The following HTRA1 variants were observed in gnomAD, a reference collection of about 807,000 sequenced individuals.
HTRA1 encodes serine protease HTRA1.
In HTRA1, 26 loss-of-function variants were observed where a neutral mutation model predicts 49.7. The ratio of observed to expected loss-of-function variants is 0.52; its 90% confidence interval spans 0.38 to 0.73. The LOEUF (loss-of-function observed/expected upper bound fraction) is 0.73. Ranked by LOEUF, HTRA1 falls within the 30% of genes least tolerant of loss-of-function variation. The probability of loss-of-function intolerance (pLI) is 0.00; values close to 1 mark genes in which losing one functional copy is unlikely to be tolerated. For synonymous variants in HTRA1, 291 were observed against 286.9 expected, an observed-to-expected ratio of 1.01 and a Z score of -0.14; for missense variants, 561 against 667.2, an observed-to-expected ratio of 0.84 and a Z score of 1.75.
chr10:122,468,229 G>A (rs1466085370), intron 1 of HTRA1, among the ~76,000 whole-genome samples: 1 of 152,106 alleles, frequency 6.6e-6, no homozygotes, highest in African/African-American at 2.4e-5. Context: ...GGTGTTTCTT[G>A]GGTGACTTCA....
At position 122,481,576 on chromosome 10, in the gene HTRA1, A is replaced by G. The variant is rs141505054; in HGVS notation, c.473-7326A>G. ...CTATCCACCTCTGCTCCTTGTGCCTATGCAGGGATTCAGGCCCAACCACTG... is the reference window on the plus strand; with the variant it reads ...CTATCCACCTCTGCTCCTTGTGCCTGTGCAGGGATTCAGGCCCAACCACTG... On this transcript the variant is annotated intron_variant, in intron 1 of 8. Transcript: ENST00000368984. 6.4e-3 allele frequency among the ~76,000 whole-genome samples: 972 copies of G among 152,310 alleles called. 10 individuals are homozygous for G. The highest frequency in any genetic ancestry group is 0.022 in the African/African-American group (908 of 41,584).
Position 122,507,160 on chromosome 10 carries a change from A to G in HTRA1, c.973-210A>G, listed in dbSNP as rs542642353. On this transcript the variant is annotated intron_variant, in intron 4 of 8. Transcript: ENST00000368984. The stretch of plus-strand genomic sequence containing the variant: ...AGTTGGCTTCTGGGCTTCAGAGAGA[A>G]AATCTCCCTGTTTACGGCACCTCTA... Among the ~76,000 whole-genome samples, 3 of 152,290 alleles carry G rather than the reference A, an allele frequency of 2.0e-5. No individual in the cohort carries two copies. In the East Asian group the frequency reaches 5.8e-4, roughly 29 times the overall value.
intron 1 of HTRA1, among the ~76,000 whole-genome samples, chr10:122,470,630 G>C (rs1276895717): frequency 6.6e-6 from 1 of 151,912 alleles, no homozygotes; most frequent in Non-Finnish European, 1.5e-5. Context: ...AACTCCCAAT[G>C]CTTCAGTGCT....
chr10:122,508,650 T>C lies in HTRA1; in HGVS notation c.1006-6T>C. On this transcript the variant is annotated splice_polypyrimidine_tract_variant and splice_region_variant and intron_variant, in intron 5 of 8. Transcript: ENST00000368984. ...TTCAGTAAGCCGTGTCCTTCTTGCT[T>C]TTCAGGACGGTGAAGTGATTGGAAT... 2 of 1,586,550 alleles carry C rather than the reference T, an allele frequency of 1.3e-6. No homozygotes were observed. Among genetic ancestry groups the C allele is most frequent in the Non-Finnish European group, 1.7e-6 (2 of 1,154,778 alleles).
chr10:122,485,685 C>T (rs1443554230), intron 1 of HTRA1, among the ~76,000 whole-genome samples: 4 of 152,184 alleles, frequency 2.6e-5, no homozygotes, highest in Non-Finnish European at 5.9e-5. Context: ...AGGGAACTGC[C>T]TCTCATTTTA....
chr10:122,511,372 G>A (rs576837029), intron 7 of HTRA1, among the ~76,000 whole-genome samples: 2 of 152,310 alleles, frequency 1.3e-5, no homozygotes, highest in African/African-American at 4.8e-5. Context: ...AGCTAGGGCT[G>A]CAAACCAGGC....
Position 122,476,202 on chromosome 10 carries a change from G to T in HTRA1, c.473-12700G>T, listed in dbSNP as rs554538397. On this transcript the variant is annotated intron_variant, in intron 1 of 8. Transcript: ENST00000368984. The stretch of plus-strand genomic sequence containing the variant: ...AGGAAGCGCTCTGTGTTTCTCTGCA[G>T]TTCACGGCTCAGTTAAATGCAGCCT... Among the ~76,000 whole-genome samples the T allele has an allele frequency of 3.3e-5, 5 of 152,278 alleles. 2 individuals carry two copies. The East Asian group carries it at 5.8e-4, about 18-fold the overall frequency.
chr10:122,509,276 T>C (rs2097504515), intron 6 of HTRA1, among the ~76,000 whole-genome samples: 1 of 152,092 alleles, frequency 6.6e-6, no homozygotes, highest in African/African-American at 2.4e-5. Flanking sequence ...TGACAGTAAA[T>C]AATCAAACAC....
Position 122,504,366 on chromosome 10 carries a change from G to A in HTRA1, c.778-2325G>A, listed in dbSNP as rs976508732. Among the ~76,000 whole-genome samples, 6 of 152,192 alleles carry A rather than the reference G, an allele frequency of 3.9e-5. No homozygotes were observed. The East Asian group carries it at 5.8e-4, about 15-fold the overall frequency. On this transcript the variant is annotated intron_variant, in intron 3 of 8. Transcript: ENST00000368984. ...CTCCCTTTCTAGGAGGCGCCAAGGGGTGGTAAGAATAGGGGATGAGTGAGA... is the reference window on the plus strand; with the variant it reads ...CTCCCTTTCTAGGAGGCGCCAAGGGATGGTAAGAATAGGGGATGAGTGAGA...
chr10:122,467,445 A>C (rs2097484220), intron 1 of HTRA1, among the ~76,000 whole-genome samples: 1 of 152,174 alleles, frequency 6.6e-6, no homozygotes, highest in African/African-American at 2.4e-5. Context: ...CAAGTCTTTG[A>C]GGAGGTTGTG....
intron 1 of HTRA1, among the ~76,000 whole-genome samples, chr10:122,477,549 C>A (rs2097489193): frequency 6.6e-6 from 1 of 152,184 alleles, no homozygotes; most frequent in African/African-American, 2.4e-5. Context: ...GAGCCATTCC[C>A]AAAGATTATT....
chr10:122,488,102 C>A lies in HTRA1; in HGVS notation c.473-800C>A, dbSNP rs570419325. On this transcript the variant is annotated intron_variant, in intron 1 of 8. Coordinates refer to ENST00000368984, the MANE Select transcript of HTRA1 (RefSeq NM_002775.5). ...TCAGTGGGAAAGATAGGAGCTGCCC[C>A]TTTGCCTTCGTGTTTCTTCGTAATA... Among the ~76,000 whole-genome samples, 10 of 152,252 alleles carry A rather than the reference C, an allele frequency of 6.6e-5. No individual in the cohort carries two copies. In the South Asian group the frequency reaches 2.1e-3, roughly 32 times the overall value.
In HTRA1 at chr10:122,461,685, G is replaced by A; in HGVS notation, c.33G>A (p.Leu11=). 2 of 1,303,760 alleles carry A rather than the reference G, an allele frequency of 1.5e-6. No individual in the cohort carries two copies. The highest frequency in any genetic ancestry group is 9.9e-7 in the Non-Finnish European group (1 of 1,010,366). The allele number at this position is 1,303,760 out of a possible 1,614,324, so 80.8% of individuals were successfully genotyped here. A position where few individuals can be genotyped will look rare whatever the true frequency, so the allele number is the denominator to read the frequency against. MQIPRAALLP[L]LLLLLAAPAS... The stretch of plus-strand genomic sequence containing the variant: ...TCCCGCGCGCCGCTCTTCTCCCGCT[G>A]CTGCTGCTGCTGCTGGCGGCGCCCG... The change falls in exon 1 of 9, where the codon CTG becomes CTA. Residue 11 remains leucine (L), a synonymous_variant. Transcript: ENST00000368984.
chr10:122,510,065 ACC>A (rs1337532963), intron 6 of HTRA1, 29 bp from the exon 7 acceptor site: 1 of 1,604,538 alleles, frequency 6.2e-7, no homozygotes, highest in African/African-American at 1.3e-5. Flanking sequence ...AACTGGGCTG[ACC>A]TTCTGCTGTC....
chr10:122,470,881 A>G (rs74895474), intron 1 of HTRA1, among the ~76,000 whole-genome samples: 11,377 of 152,204 alleles, frequency 0.075, 601 homozygotes, highest in Middle Eastern at 0.17. Context: ...TCCTCTGGGC[A>G]TGTTCTCTTG....
At position 122,506,949 on chromosome 10, in the gene HTRA1, G is replaced by T; in HGVS notation, c.972+64G>T. 5 of 1,422,610 alleles carry T rather than the reference G, an allele frequency of 3.5e-6. No individual in the cohort carries two copies. Among genetic ancestry groups the T allele is most frequent in the Non-Finnish European group, 4.9e-6 (5 of 1,016,162 alleles). The allele number at this position is 1,422,610 out of a possible 1,614,324, so 88.1% of individuals were successfully genotyped here. On this transcript the variant is annotated intron_variant, in intron 4 of 8. Transcript: ENST00000368984. The surrounding 1 kb of genome is among the most constrained non-coding windows in gnomAD (Gnocchi z 5.2). ...AGTTTTGCCAGGGGGAGAGGAGTCA[G>T]CATAGGTCTTAGCCCCTGACTTTGT...
intron 4 of HTRA1, 106 bp from the exon 5 acceptor site, chr10:122,507,264 G>A (rs746467064): frequency 4.6e-6 from 4 of 877,434 alleles, no homozygotes; most frequent in South Asian, 1.3e-5. Context: ...GAGAAGAATC[G>A]TGCCCCCCAC....
At chr10:122,507,815 C>A (rs867899502) in intron 5 of HTRA1, among the ~76,000 whole-genome samples, 3 of 152,216 alleles carry the variant, frequency 2.0e-5, no homozygotes, top group Middle Eastern at 3.2e-3. Flanking sequence ...TACACATTTT[C>A]TCTTGGCCAG....
intron 1 of HTRA1, among the ~76,000 whole-genome samples, chr10:122,472,734 G>A (rs1217174071): frequency 6.6e-6 from 1 of 152,102 alleles, no homozygotes; most frequent in African/African-American, 2.4e-5. Context: ...CCACCGTTTG[G>A]TTAACTGTTC....
Sources: allele counts gnomAD v4.1 joint callset (sites outside exome capture counted in the v4.1 genomes callset), GRCh38; gene constraint gnomAD v4.1.1; non-coding constraint Gnocchi (gnomAD v3.1); transcripts MANE v1.5; gene names NCBI Gene and HGNC (gene_info 2026-07-23, HGNC 2026-07-21).